The following SLC14A2 variants were observed in gnomAD, a reference collection of about 807,000 sequenced individuals.
SLC14A2 encodes the protein solute carrier family 14 member 2.
SLC14A2 carries 91 observed loss-of-function variants against 104.6 expected under a neutral mutation model. The observed-to-expected ratio is 0.87, with a 90% CI of 0.73 to 1.04. The LOEUF is 1.04. SLC14A2 is among the 50% of genes least tolerant of loss of function. The pLI is 0.00. For synonymous variants in SLC14A2, 476 were observed against 466.4 expected (o/e 1.02, Z -0.27); for missense variants, 1,189 against 1,156.0 (o/e 1.03, Z -0.41).
chr18:45,615,836 T>TGTGAGAGA (rs752876528), intron 1 of SLC14A2, among the ~76,000 whole-genome samples: 30 of 148,660 alleles, frequency 2.0e-4, no homozygotes, highest in African/African-American at 5.8e-4. Flanking sequence ...TGTGTGTGTG[T>TGTGAGAGA]GAGAGAGAGA....
intron 1 of SLC14A2, among the ~76,000 whole-genome samples, chr18:45,359,492 C>G (rs757817420): frequency 1.2e-4 from 18 of 152,206 alleles, no homozygotes; most frequent in Non-Finnish European, 2.1e-4. Flanking sequence ...GGCTGCATTC[C>G]TCAGTGCCCT....
chr18:45,198,274 C>T, the SLC14A2 span, among the ~76,000 whole-genome samples: 1 of 152,032 alleles, frequency 6.6e-6, no homozygotes, highest in African/African-American at 2.4e-5. Flanking sequence ...GAATATTTTG[C>T]TATATTGTCT....
At chr18:45,340,755 T>C (rs2085385439) in intron 1 of SLC14A2, among the ~76,000 whole-genome samples, 1 of 152,178 alleles carries the variant, frequency 6.6e-6, no homozygotes, top group Non-Finnish European at 1.5e-5. Flanking sequence ...AAGGGGATCC[T>C]GTAGTATGGA....
chr18:45,531,612 A>C (rs2043689048), intron 2 of SLC14A2, among the ~76,000 whole-genome samples: 1 of 152,144 alleles, frequency 6.6e-6, no homozygotes, highest in African/African-American at 2.4e-5. Flanking sequence ...CCTTTGTCAG[A>C]TGAGTAGGTT....
In SLC14A2 at chr18:45,283,229, T is replaced by G. The variant is rs115188273; in HGVS notation, c.-125+70038T>G. On this transcript the variant is annotated intron_variant, in intron 1 of 20. Transcript: ENST00000586448. Reference sequence around the variant, plus strand: ...CACATGAGAGAAATTTCTGAACACGTCGAGTCTCCTAATTGATAAAAGTGG... The same window carrying G: ...CACATGAGAGAAATTTCTGAACACGGCGAGTCTCCTAATTGATAAAAGTGG... 8.3e-3 allele frequency among the ~76,000 whole-genome samples: 1,240 copies of G among 150,162 alleles called. 1 individual carries two copies. Among genetic ancestry groups the G allele is most frequent in the African/African-American group, 0.025 (1,008 of 40,592 alleles).
intron 1 of SLC14A2, among the ~76,000 whole-genome samples, chr18:45,277,774 T>C (rs1314994682): frequency 6.6e-6 from 1 of 152,198 alleles, no homozygotes; most frequent in East Asian, 1.9e-4. Context: ...TGAGAAAACA[T>C]ATGTAACACA....
chr18:45,212,975 T>C (rs2083974271), upstream of SLC14A2: 1 of 152,554 alleles, frequency 6.6e-6, no homozygotes, highest in Non-Finnish European at 1.5e-5. Flanking sequence ...GCTCCAGCCA[T>C]TGCTCCAACT....
At chr18:45,410,663 C>T (rs978981696) in intron 1 of SLC14A2, among the ~76,000 whole-genome samples, 2 of 152,096 alleles carry the variant, frequency 1.3e-5, no homozygotes, top group Non-Finnish European at 2.9e-5. Context: ...TCCATATTTA[C>T]AAATTAGCCT....
In SLC14A2 at chr18:45,663,892, C is replaced by T. The variant is rs374503319; in HGVS notation, c.1459C>T (p.Arg487Trp). Reference protein sequence around the residue: ...SVFHIEWSSIRRRSKVFGKGE... With the variant: ...SVFHIEWSSIWRRSKVFGKGE... ...ATTTCACATCGAGTGGTCATCCATT[C>T]GGAGGAGGAGCAAAGGTGTGCATGT... Residue 487 changes from arginine to tryptophan, a missense_variant, in exon 11 of 20, where the codon CGG (arginine) becomes TGG (tryptophan). Physicochemically the swap from Arg to Trp is moderately radical, Grantham distance 101. Transcript: ENST00000255226. 6.2e-6 allele frequency: 10 copies of T among 1,612,668 alleles called. No individual in the cohort carries two copies. Among genetic ancestry groups the T allele is most frequent in the African/African-American group, 5.3e-5 (4 of 74,830 alleles).
intron 2 of SLC14A2, among the ~76,000 whole-genome samples, chr18:45,487,759 A>T (rs1244454231): frequency 6.6e-6 from 1 of 152,122 alleles, no homozygotes; most frequent in Non-Finnish European, 1.5e-5. Context: ...CTAAAATGGG[A>T]TGGCCTCTCA....
intron 1 of SLC14A2, among the ~76,000 whole-genome samples, chr18:45,370,142 A>G (rs2085707477): frequency 6.6e-6 from 1 of 152,200 alleles, no homozygotes; most frequent in African/African-American, 2.4e-5. Context: ...CAACCCTACT[A>G]GAAAACACAA....
At chr18:45,538,689 A>G (rs901099978) in intron 2 of SLC14A2, among the ~76,000 whole-genome samples, 2 of 152,148 alleles carry the variant, frequency 1.3e-5, no homozygotes, top group Non-Finnish European at 1.5e-5. Context: ...TCACTCTGCC[A>G]TATGCTATTA....
intron 1 of SLC14A2, among the ~76,000 whole-genome samples, chr18:45,409,513 G>C (rs1007832798): frequency 2.0e-5 from 3 of 152,104 alleles, no homozygotes; most frequent in African/African-American, 7.2e-5. Context: ...ACTCCCCAAA[G>C]TATTATTAAA....
At chr18:45,636,741 T>C (rs1324597490) in intron 5 of SLC14A2, among the ~76,000 whole-genome samples, 2 of 152,186 alleles carry the variant, frequency 1.3e-5, no homozygotes, top group Admixed American at 1.3e-4. Context: ...TAAAATTTGT[T>C]TCTCAGAGGT....
chr18:45,244,398 G>A (rs758042980), intron 1 of SLC14A2, among the ~76,000 whole-genome samples: 6 of 152,104 alleles, frequency 3.9e-5, no homozygotes, highest in Admixed American at 2.0e-4. Flanking sequence ...AAGCCAAGGC[G>A]GGCGGATCAC....
At chr18:45,536,458 C>T (rs1360201297) in intron 2 of SLC14A2, among the ~76,000 whole-genome samples, 2 of 152,186 alleles carry the variant, frequency 1.3e-5, no homozygotes, top group African/African-American at 2.4e-5. Flanking sequence ...CTGCTGATGG[C>T]CGGCAGTCCT....
chr18:45,552,778 G>A (rs1269870847), intron 2 of SLC14A2, among the ~76,000 whole-genome samples: 3 of 152,188 alleles, frequency 2.0e-5, no homozygotes, highest in African/African-American at 7.2e-5. Flanking sequence ...ACGTGAGATG[G>A]GCACTTGCCC....
In SLC14A2 at chr18:45,416,970, T is replaced by C. The variant is rs140276599; in HGVS notation, c.-124-66263T>C. Among the ~76,000 whole-genome samples the C allele has an allele frequency of 3.3e-3, 498 of 152,332 alleles. 8 individuals are homozygous for C. The highest frequency in any genetic ancestry group is 0.011 in the African/African-American group (460 of 41,576). On this transcript the variant is annotated intron_variant, in intron 1 of 20. Transcript: ENST00000586448. ...GAGGTCCCAGTGCCTATGGAGCACGTGTGTGTACACACATGTGGTACTTGT... is the reference window on the plus strand; with the variant it reads ...GAGGTCCCAGTGCCTATGGAGCACGCGTGTGTACACACATGTGGTACTTGT...
At chr18:45,362,218 C>T (rs995846434) in intron 1 of SLC14A2, among the ~76,000 whole-genome samples, 1 of 152,234 alleles carries the variant, frequency 6.6e-6, no homozygotes, top group African/African-American at 2.4e-5. Flanking sequence ...CCTGAGGCCT[C>T]CCCAGCCATG....
Sources: allele counts gnomAD v4.1 joint callset (sites outside exome capture counted in the v4.1 genomes callset), GRCh38; gene constraint gnomAD v4.1.1; transcripts MANE v1.5; gene names NCBI Gene and HGNC (gene_info 2026-07-23, HGNC 2026-07-21).